The following MLXIPL variants were observed in gnomAD, a reference collection of about 807,000 sequenced individuals.
MLXIPL encodes carbohydrate-responsive element-binding protein.
A neutral mutation model predicts 81.5 loss-of-function variants in MLXIPL; 49 were observed. The ratio of observed to expected loss-of-function variants is 0.60; its 90% CI spans 0.48 to 0.76. The LOEUF (loss-of-function observed/expected upper bound fraction) is 0.76. Ranked by LOEUF, MLXIPL falls within the 30% of genes least tolerant of loss-of-function variation. The pLI is 0.00. For missense variants in MLXIPL, 1,053 were observed against 1,167.0 expected, an observed-to-expected ratio of 0.90 and a Z score of 1.42; for synonymous variants, 466 against 485.5, an observed-to-expected ratio of 0.96 and a Z score of 0.53.
chr7:73,596,235 T>C lies in MLXIPL; in HGVS notation c.1976A>G (p.Gln659Arg). 3 of 1,612,638 alleles carry C rather than the reference T, an allele frequency of 1.9e-6. No homozygotes were observed. The highest frequency in any genetic ancestry group is 2.5e-6 in the Non-Finnish European group (3 of 1,179,878). The change falls in exon 13 of 17, where the codon CAG (glutamine) becomes CGG (arginine). Residue 659 changes from glutamine to arginine, a missense_variant. By Grantham distance (43) the Gln-to-Arg change is conservative. This residue lies in a region of MLXIPL where 823 missense variants were observed against 933.0 expected (regional missense o/e 0.88). Transcript: ENST00000313375. This position sits in a 1 kb window ranked among gnomAD's most constrained non-coding sequence, Gnocchi z 4.7. ...NRRITHISAE[Q>R]KRRFNIKLGF... is the part of the protein sequence containing the mutation. ...CAGCTTGATGTTGAAGCGCCGCTTC[T>C]GCTCCGCGGAGATGTGTGTGATACG...
intron 5 of MLXIPL, chr7:73,606,768 A>T: frequency 1.7e-6 from 1 of 603,724 alleles, no homozygotes; most frequent in Non-Finnish European, 3.0e-6. Flanking sequence ...TTGCTCAATG[A>T]CCTGGGGTCT....
chr7:73,645,331 G>A, the MLXIPL span, among the ~76,000 whole-genome samples: 1 of 152,160 alleles, frequency 6.6e-6, no homozygotes, highest in South Asian at 2.1e-4. Flanking sequence ...TCTGGCCCTA[G>A]GGCAGTAGTT....
chr7:73,597,778 G>A (rs1794473343), intron 8 of MLXIPL, 65 bp from the exon 9 acceptor site: 2 of 1,231,666 alleles, frequency 1.6e-6, no homozygotes, highest in Middle Eastern at 2.9e-4. Flanking sequence ...CAGCCATCTG[G>A]GCCTCCCCTG....
chr7:73,603,333 C>A (rs1795037276), intron 7 of MLXIPL, among the ~76,000 whole-genome samples: 1 of 152,232 alleles, frequency 6.6e-6, no homozygotes, highest in Non-Finnish European at 1.5e-5. Flanking sequence ...CAGACATCGC[C>A]TCCTAGCCCC....
At chr7:73,647,003 A>G in the MLXIPL span, among the ~76,000 whole-genome samples, 1 of 152,230 alleles carries the variant, frequency 6.6e-6, no homozygotes, top group South Asian at 2.1e-4. Context: ...CCCCATCTCC[A>G]CACGAGTGGC....
upstream of MLXIPL, among the ~76,000 whole-genome samples, chr7:73,627,250 CTTT>C (rs869038650): frequency 3.7e-5 from 5 of 133,896 alleles, no homozygotes; most frequent in Non-Finnish European, 4.8e-5. Flanking sequence ...AAGTGGCCCT[CTTT>C]TTTTTTTTTT....
intron 5 of MLXIPL, 123 bp downstream of exon 5, chr7:73,606,851 C>A: frequency 9.2e-7 from 1 of 1,084,432 alleles, no homozygotes; most frequent in South Asian, 1.4e-5. Context: ...CAGTAACATC[C>A]CACATTCCAC....
rs781994262 is a variant in MLXIPL at position 73,605,699 on chromosome 7, A to C, written c.890T>G (p.Met297Arg). The C allele has an allele frequency of 6.2e-7, 1 of 1,613,580 alleles. No individual in the cohort carries two copies. Residue 297 changes from methionine to arginine, a missense_variant, in exon 7 of 17, where the codon ATG (methionine) becomes AGG (arginine). Physicochemically the swap from Met to Arg is moderately conservative, Grantham distance 91 (BLOSUM62 -1). Transcript: ENST00000313375. Reference sequence around the variant, plus strand: ...GGGGCTCGCCCCACCTGAGATGTCCATGAAGTCATCCAGGCTTGGCTGCAG... The same window carrying C: ...GGGGCTCGCCCCACCTGAGATGTCCCTGAAGTCATCCAGGCTTGGCTGCAG... Reference protein sequence around the residue: ...TPLQPSLDDFMDISDFFTNSR... With the variant: ...TPLQPSLDDFRDISDFFTNSR...
Position 73,597,312 on chromosome 7 carries a change from G to T in MLXIPL, c.1473C>A (p.Pro491=), listed in dbSNP as rs782165394. The T allele has an allele frequency of 4.4e-5, 69 of 1,565,424 alleles. No homozygotes were observed. Among genetic ancestry groups the T allele is most frequent in the Non-Finnish European group, 5.7e-5 (66 of 1,155,890 alleles). Residue 491 remains proline (P), a synonymous_variant, in exon 9 of 17, where the codon CCC becomes CCA. Transcript: ENST00000313375. Reference sequence around the variant, plus strand: ...GGGATGGGGCGGGGGGCTTGCCTCTGGGCATGGAGAAGCAAGGCCCAAAGG... The same window carrying T: ...GGGATGGGGCGGGGGGCTTGCCTCTTGGCATGGAGAAGCAAGGCCCAAAGG... ...EPAFGPCFSM[P]RGKPPAPSPR... is the part of the protein sequence containing the mutation.
the MLXIPL span, among the ~76,000 whole-genome samples, chr7:73,631,595 A>T: frequency 1.2e-5 from 1 of 81,626 alleles, no homozygotes; most frequent in South Asian, 3.8e-4. Context: ...TTAGGTAGAG[A>T]TGGGGTCTGC....
the MLXIPL span, among the ~76,000 whole-genome samples, chr7:73,631,064 A>G: frequency 6.6e-6 from 1 of 151,010 alleles, no homozygotes; most frequent in African/African-American, 2.4e-5. Flanking sequence ...GCTGGAGTGC[A>G]GTGGCATGAT....
Position 73,613,775 on chromosome 7 carries a change from C to G in MLXIPL, c.400+2296G>C, listed in dbSNP as rs1210758935. ...CCTGGGGTCCTTCCAGCAACTTGTGCAATAGCTGGAGATCAGTGTGTCTGG... is the reference window on the plus strand; with the variant it reads ...CCTGGGGTCCTTCCAGCAACTTGTGGAATAGCTGGAGATCAGTGTGTCTGG... On this transcript the variant is annotated intron_variant, in intron 2 of 16. Transcript: ENST00000313375. 2.0e-5 allele frequency among the ~76,000 whole-genome samples: 3 copies of G among 152,182 alleles called. No individual in the cohort carries two copies. In the East Asian group the frequency reaches 5.8e-4, roughly 29 times the overall value.
the MLXIPL span, among the ~76,000 whole-genome samples, chr7:73,640,574 C>T: frequency 3.3e-5 from 5 of 151,048 alleles, no homozygotes; most frequent in African/African-American, 7.3e-5. Context: ...GTCAGGAGTT[C>T]GAGGCCAGCC....
the MLXIPL span, among the ~76,000 whole-genome samples, chr7:73,629,961 T>C: frequency 2.1e-5 from 3 of 141,454 alleles, no homozygotes; most frequent in African/African-American, 7.9e-5. Flanking sequence ...CCTTGGCTTG[T>C]CTTTTTTATT....
At chr7:73,633,006 G>A in the MLXIPL span, among the ~76,000 whole-genome samples, 2 of 151,404 alleles carry the variant, frequency 1.3e-5, no homozygotes, top group Non-Finnish European at 2.9e-5. Flanking sequence ...TTCTTGAACT[G>A]CTGACCTCAG....
At chr7:73,625,472 G>A (rs1426904790), upstream of MLXIPL, among the ~76,000 whole-genome samples, 1 of 152,122 alleles carries the variant, frequency 6.6e-6, no homozygotes, top group African/African-American at 2.4e-5. Flanking sequence ...TGGCCAACAC[G>A]GTGGCCGGGC....
At chr7:73,631,673 C>T in the MLXIPL span, among the ~76,000 whole-genome samples, 1 of 144,260 alleles carries the variant, frequency 6.9e-6, no homozygotes. Context: ...ACTCAAAGTA[C>T]TGGGATTACA....
rs1554592712 is a variant in MLXIPL, at chr7:73,593,884, G to A, written c.2540C>T (p.Thr847Ile). Residue 847 changes from threonine (T) to isoleucine (I), a missense_variant, in exon 17 of 17, where the codon ACC becomes ATC. Coordinates refer to ENST00000313375, the MANE Select transcript of MLXIPL (RefSeq NM_032951.3). ...EQATRAVTEGTLGKPL is the reference protein window; with the variant it reads ...EQATRAVTEGILGKPL ...CCAGGACTATAAAGGTTTGCCAAGG[G>A]TGCCCTCTGTGACTGCCCGTGTGGC... The A allele has an allele frequency of 1.2e-6, 2 of 1,614,084 alleles. No individual in the cohort carries two copies. Among genetic ancestry groups the A allele is most frequent in the South Asian group, 1.1e-5 (1 of 91,084 alleles).
chr7:73,634,535 G>T, the MLXIPL span, among the ~76,000 whole-genome samples: 2 of 151,900 alleles, frequency 1.3e-5, no homozygotes, highest in Non-Finnish European at 2.9e-5. Flanking sequence ...GGGACTACAG[G>T]TGTGCACCAC....
Sources: allele counts gnomAD v4.1 joint callset (sites outside exome capture counted in the v4.1 genomes callset), GRCh38; gene constraint gnomAD v4.1.1; regional missense constraint gnomAD v4.1.1; non-coding constraint Gnocchi (gnomAD v3.1); transcripts MANE v1.5; gene names NCBI Gene and HGNC (gene_info 2026-07-23, HGNC 2026-07-21).